ARHGAP6: variants seen among roughly 807,000 people sequenced by gnomAD.
The protein encoded by ARHGAP6 is rho GTPase-activating protein 6.
ARHGAP6 carries 16 observed loss-of-function variants against 55.7 expected under a neutral mutation model. The ratio of observed to expected loss-of-function variants is 0.29; its 90% CI spans 0.19 to 0.44. ARHGAP6 has a LOEUF of 0.44. Among genes scored for constraint, ARHGAP6 ranks in the 20% least tolerant of loss-of-function variants. ARHGAP6 has a pLI of 1.00. For missense variants in ARHGAP6, 698 were observed against 808.9 expected (o/e 0.86, Z 1.66); for synonymous variants, 382 against 360.9 (o/e 1.06, Z -0.66).
At chrX:11,435,868 G>A (rs980492322) in intron 1 of ARHGAP6, among the ~76,000 whole-genome samples, 2 of 112,080 alleles carry the variant, frequency 1.8e-5, no homozygotes, top group African/African-American at 6.5e-5. Flanking sequence ...ACAACCCAGA[G>A]CCTGCTAAGT....
At position 11,664,375 on chromosome X, in the gene ARHGAP6, C is replaced by T; in HGVS notation, c.454G>A (p.Ala152Thr). The change falls in exon 1 of 13, where the codon GCT (alanine) becomes ACT (threonine). Residue 152 changes from alanine (A) to threonine (T), a missense_variant. Coordinates refer to ENST00000337414, the MANE Select transcript of ARHGAP6 (RefSeq NM_013427.3). ...VLAGPASSRS[A>T]SSILCSSGGG... ...CCGGATGAACAGAGGATGCTGGAAG[C>T]GCTTCGGCTACTGGCTGGCCCGGCC... 8.2e-7 allele frequency: 1 copy of T among 1,212,151 alleles called. No homozygotes were observed. The highest frequency in any genetic ancestry group is 2.2e-5 in the Admixed American group (1 of 46,154).
At chrX:11,243,070 A>G (rs763725846) in intron 2 of ARHGAP6, among the ~76,000 whole-genome samples, 2 of 112,286 alleles carry the variant, frequency 1.8e-5, no homozygotes, top group Non-Finnish European at 3.8e-5. Flanking sequence ...AATTTTTCAA[A>G]TATTTATTGT....
intron 1 of ARHGAP6, among the ~76,000 whole-genome samples, chrX:11,577,282 G>C (rs1212178912): frequency 8.0e-5 from 9 of 112,203 alleles, no homozygotes; most frequent in African/African-American, 2.9e-4. Context: ...CAATGAGATA[G>C]GAAAGAGAAA....
intron 1 of ARHGAP6, among the ~76,000 whole-genome samples, chrX:11,607,745 A>C (rs1440263388): frequency 8.9e-6 from 1 of 112,442 alleles, no homozygotes; most frequent in African/African-American, 3.2e-5. Flanking sequence ...AGCTTGTGAC[A>C]GTGACCTTAC....
At chrX:11,159,690 G>C (rs751264135) in intron 9 of ARHGAP6, among the ~76,000 whole-genome samples, 2 of 111,200 alleles carry the variant, frequency 1.8e-5, no homozygotes, top group East Asian at 5.7e-4. Context: ...CTTGTAGATA[G>C]TTGGCAATAA....
At chrX:11,574,571 T>A (rs2051573338) in intron 1 of ARHGAP6, among the ~76,000 whole-genome samples, 2 of 109,577 alleles carry the variant, frequency 1.8e-5, no homozygotes, top group East Asian at 2.9e-4. Flanking sequence ...TGATGGGACG[T>A]ATCTCAAAAT....
At chrX:11,302,645 G>A (rs1487054296) in intron 1 of ARHGAP6, among the ~76,000 whole-genome samples, 2 of 110,883 alleles carry the variant, frequency 1.8e-5, no homozygotes, top group East Asian at 5.7e-4. Flanking sequence ...CCATAACCAC[G>A]CATGCTTTCT....
chrX:11,560,444 A>C (rs765205718), intron 1 of ARHGAP6, among the ~76,000 whole-genome samples: 1 of 112,239 alleles, frequency 8.9e-6, no homozygotes, highest in Admixed American at 9.4e-5. Flanking sequence ...GTTCTCTAGA[A>C]CCCCAGAAGG....
At chrX:11,552,441 A>T (rs1238259780) in intron 1 of ARHGAP6, among the ~76,000 whole-genome samples, 2 of 103,467 alleles carry the variant, frequency 1.9e-5, no homozygotes, top group African/African-American at 3.5e-5. Flanking sequence ...AGGAAATGAA[A>T]TCAGCATGTC....
At chrX:11,539,041 G>C (rs2051131298) in intron 1 of ARHGAP6, among the ~76,000 whole-genome samples, 1 of 110,411 alleles carries the variant, frequency 9.1e-6, no homozygotes, top group African/African-American at 3.3e-5. Context: ...ATTTTTAGTA[G>C]AGATGGTGTT....
intron 1 of ARHGAP6, among the ~76,000 whole-genome samples, chrX:11,509,447 T>A (rs970458177): frequency 3.6e-5 from 4 of 111,339 alleles, no homozygotes; most frequent in Admixed American, 1.9e-4. Flanking sequence ...AATATATGCA[T>A]TTTGTGGAAC....
intron 8 of ARHGAP6, among the ~76,000 whole-genome samples, chrX:11,176,747 C>T (rs1376815696): frequency 9.0e-6 from 1 of 111,306 alleles, no homozygotes; most frequent in Non-Finnish European, 1.9e-5. Flanking sequence ...AATAAAACTA[C>T]TTAACAATTA....
chrX:11,592,555 T>C (rs2051848488), intron 1 of ARHGAP6, among the ~76,000 whole-genome samples: 2 of 111,335 alleles, frequency 1.8e-5, no homozygotes, highest in Non-Finnish European at 3.8e-5. Flanking sequence ...ATTGCTGGTA[T>C]ATAATATATA....
At chrX:11,453,370 G>A (rs1160155722) in intron 1 of ARHGAP6, among the ~76,000 whole-genome samples, 1 of 104,000 alleles carries the variant, frequency 9.6e-6, no homozygotes, top group Non-Finnish European at 1.9e-5. Flanking sequence ...CCCTTCTCCA[G>A]AATGTTAAAG....
chrX:11,185,477 T>C (rs1461846568), intron 5 of ARHGAP6, among the ~76,000 whole-genome samples: 1 of 112,112 alleles, frequency 8.9e-6, no homozygotes, highest in Non-Finnish European at 1.9e-5. Flanking sequence ...CTCAGAATTT[T>C]CTTTGCTTTC....
At chrX:11,425,704 G>A (rs2049871538) in intron 1 of ARHGAP6, among the ~76,000 whole-genome samples, 1 of 112,638 alleles carries the variant, frequency 8.9e-6, no homozygotes, top group African/African-American at 3.2e-5. Context: ...TATGATTTTA[G>A]AAGAATCAGA....
At chrX:11,632,865 C>T (rs1455273167) in intron 1 of ARHGAP6, among the ~76,000 whole-genome samples, 1 of 112,125 alleles carries the variant, frequency 8.9e-6, no homozygotes, top group Admixed American at 9.5e-5. Context: ...CTTTTGTGGG[C>T]TTTGCTGCTA....
intron 2 of ARHGAP6, among the ~76,000 whole-genome samples, chrX:11,237,387 C>A (rs2047217585): frequency 8.9e-6 from 1 of 111,751 alleles, no homozygotes; most frequent in African/African-American, 3.3e-5. Context: ...AAAGTTAAGT[C>A]CTAATGCAAA....
intron 10 of ARHGAP6, among the ~76,000 whole-genome samples, chrX:11,153,038 G>A (rs1374986474): frequency 9.0e-6 from 1 of 111,612 alleles, no homozygotes; most frequent in Non-Finnish European, 1.9e-5. Flanking sequence ...CCTCCAACAA[G>A]TCTGAAAGCT....
Sources: allele counts gnomAD v4.1 joint callset (sites outside exome capture counted in the v4.1 genomes callset), GRCh38; gene constraint gnomAD v4.1.1; transcripts MANE v1.5; gene names NCBI Gene and HGNC (gene_info 2026-07-23, HGNC 2026-07-21).